The following APBB1IP variants were observed in gnomAD, a reference collection of about 807,000 sequenced individuals.
APBB1IP encodes amyloid beta A4 precursor protein-binding family B member 1-interacting protein.
Under a neutral mutation model 64.9 loss-of-function variants are expected in APBB1IP, and 27 were observed. The observed-to-expected ratio is 0.42, with a 90% CI of 0.31 to 0.57. The LOEUF (loss-of-function observed/expected upper bound fraction) is 0.57, where lower values mean the gene tolerates loss of function less well. Ranked by LOEUF, APBB1IP falls within the 20% of genes least tolerant of loss-of-function variation. The pLI, the probability that APBB1IP is intolerant of heterozygous loss-of-function variation, is 0.20. For missense variants in APBB1IP, 812 were observed against 845.5 expected, an observed-to-expected ratio of 0.96 and a Z score of 0.49; for synonymous variants, 392 against 331.0, an observed-to-expected ratio of 1.18 and a Z score of -2.00.
In APBB1IP at chr10:26,567,530, AC is replaced by A; in HGVS notation, c.*46del. 1.3e-6 allele frequency: 2 copies of A among 1,521,884 alleles called. No individual in the cohort carries two copies. The highest frequency in any genetic ancestry group is 1.8e-6 in the Non-Finnish European group (2 of 1,119,818). 94.3% of individuals were successfully genotyped at this position (1,521,884 alleles called of 1,614,324 possible). A position where few individuals can be genotyped will look rare whatever the true frequency, so the allele number is the denominator to read the frequency against. On this transcript the variant is annotated 3_prime_UTR_variant, in exon 15 of 15. Coordinates refer to ENST00000376236, the MANE Select transcript of APBB1IP (RefSeq NM_019043.4). The stretch of plus-strand genomic sequence containing the variant: ...TGTTCCAGAGGGAGAAGCATCGCTG[AC>A]CCCGAGCGCAGGTTTTGCTAGCAGA...
chr10:26,539,501 A>G (rs1236734911), intron 10 of APBB1IP, among the ~76,000 whole-genome samples: 1 of 151,936 alleles, frequency 6.6e-6, no homozygotes, highest in African/African-American at 2.4e-5. Flanking sequence ...GGAAGGAAGG[A>G]AGAAAGGGAG....
intron 2 of APBB1IP, among the ~76,000 whole-genome samples, chr10:26,457,720 G>A (rs536811791): frequency 6.6e-6 from 1 of 152,308 alleles, no homozygotes; most frequent in East Asian, 1.9e-4. Flanking sequence ...TCTATGCAAT[G>A]GGAAGTATAA....
chr10:26,500,513 G>A (rs933214071), intron 4 of APBB1IP, among the ~76,000 whole-genome samples: 4 of 151,978 alleles, frequency 2.6e-5, no homozygotes, highest in Admixed American at 1.3e-4. Context: ...GCATCTATTC[G>A]TGTGCTTGGA....
At chr10:26,448,656 T>A (rs1384555641) in intron 2 of APBB1IP, among the ~76,000 whole-genome samples, 2 of 152,232 alleles carry the variant, frequency 1.3e-5, no homozygotes, top group African/African-American at 4.8e-5. Flanking sequence ...TGATTTTAAT[T>A]CATCTTTAAA....
chr10:26,496,433 A>C, intron 4 of APBB1IP, 42 bp downstream of exon 4: 1 of 1,442,342 alleles, frequency 6.9e-7, no homozygotes, highest in Non-Finnish European at 9.7e-7. Flanking sequence ...TCAAAATCAT[A>C]ATGATGATTC....
intron 3 of APBB1IP, among the ~76,000 whole-genome samples, chr10:26,495,931 A>G (rs1298330921): frequency 7.0e-6 from 1 of 142,650 alleles, no homozygotes; most frequent in Non-Finnish European, 1.5e-5. Flanking sequence ...TATAATATAT[A>G]TTTAATATAT....
At chr10:26,438,915 C>T (rs1835309438) in intron 2 of APBB1IP, 62 bp downstream of exon 2, 1 of 152,176 alleles carries the variant, frequency 6.6e-6, no homozygotes, top group Admixed American at 6.5e-5. Flanking sequence ...TCGGGGCTGT[C>T]AGGAACCCGT....
At chr10:26,459,175 T>C (rs1179281807) in intron 2 of APBB1IP, among the ~76,000 whole-genome samples, 1 of 146,560 alleles carries the variant, frequency 6.8e-6, no homozygotes, top group African/African-American at 2.5e-5. Context: ...CACCTATGAG[T>C]GAGAACATGC....
chr10:26,530,983 T>C (rs906615992), intron 8 of APBB1IP, among the ~76,000 whole-genome samples: 1 of 152,154 alleles, frequency 6.6e-6, no homozygotes, highest in African/African-American at 2.4e-5. Context: ...TAACATCCTT[T>C]CAAATAACAA....
chr10:26,464,809 T>C (rs1171130083), intron 2 of APBB1IP, among the ~76,000 whole-genome samples: 8 of 152,238 alleles, frequency 5.3e-5, no homozygotes, highest in Non-Finnish European at 8.8e-5. Flanking sequence ...GTAGTTAGCA[T>C]TGAACCTGAG....
At chr10:26,485,189 TAGTG>T (rs1835877447) in intron 2 of APBB1IP, among the ~76,000 whole-genome samples, 2 of 152,242 alleles carry the variant, frequency 1.3e-5, no homozygotes, top group South Asian at 4.1e-4. Flanking sequence ...AACAGTGTTA[TAGTG>T]AATGAGGTTC....
intron 12 of APBB1IP, 147 bp downstream of exon 12, chr10:26,560,350 C>T: frequency 1.4e-6 from 1 of 704,130 alleles, no homozygotes; most frequent in Non-Finnish European, 2.4e-6. Flanking sequence ...AGTGGGTTTT[C>T]TAAATGGGAG....
intron 10 of APBB1IP, among the ~76,000 whole-genome samples, chr10:26,536,714 A>AC (rs1312374715): frequency 2.5e-5 from 1 of 40,548 alleles, no homozygotes; most frequent in Non-Finnish European, 4.5e-5. Flanking sequence ...ACCTCAGCCC[A>AC]CCCCCCACCC....
intron 2 of APBB1IP, among the ~76,000 whole-genome samples, chr10:26,473,315 A>T (rs1057463510): frequency 1.8e-4 from 28 of 152,226 alleles, no homozygotes; most frequent in African/African-American, 6.8e-4. Flanking sequence ...ATCTTTCATG[A>T]TGGATAAATC....
intron 2 of APBB1IP, among the ~76,000 whole-genome samples, chr10:26,451,518 C>T (rs192838482): frequency 6.6e-6 from 1 of 152,214 alleles, no homozygotes; most frequent in African/African-American, 2.4e-5. Flanking sequence ...GTAAATGATG[C>T]GTTCTGCTTT....
intron 14 of APBB1IP, among the ~76,000 whole-genome samples, chr10:26,566,466 G>A (rs898970157): frequency 1.3e-5 from 2 of 152,120 alleles, no homozygotes; most frequent in African/African-American, 4.8e-5. Context: ...TATTGTTCAG[G>A]TTGGTCTTGA....
chr10:26,507,554 A>G (rs1836198068), intron 6 of APBB1IP, among the ~76,000 whole-genome samples: 1 of 152,194 alleles, frequency 6.6e-6, no homozygotes, highest in Admixed American at 6.5e-5. Flanking sequence ...TTGTAGGGGC[A>G]AGGTATGAGA....
chr10:26,444,231 G>C lies in APBB1IP; in HGVS notation c.-1+5378G>C, dbSNP rs35969924. 3.7e-3 allele frequency among the ~76,000 whole-genome samples: 562 copies of C among 152,256 alleles called. 2 individuals carry two copies. The highest frequency in any genetic ancestry group is 0.013 in the African/African-American group (541 of 41,546). On this transcript the variant is annotated intron_variant, in intron 2 of 14. Transcript: ENST00000376236. ...CCTGTAGTTAGAGGTAAATGAGCAAGGGAGAGAGAAACAGATGTGGTTGGA... is the reference window on the plus strand; with the variant it reads ...CCTGTAGTTAGAGGTAAATGAGCAACGGAGAGAGAAACAGATGTGGTTGGA...
intron 2 of APBB1IP, among the ~76,000 whole-genome samples, chr10:26,476,442 G>C (rs1357727567): frequency 2.9e-5 from 1 of 34,486 alleles, no homozygotes; most frequent in Non-Finnish European, 4.4e-5. Flanking sequence ...GCAAGACCCT[G>C]TCTCAAAAAA....
Sources: gnomAD v4.1 joint callset for allele counts (sites outside exome capture counted in the v4.1 genomes callset) on GRCh38, gnomAD v4.1.1 for gene constraint, MANE v1.5 for transcripts, NCBI Gene and HGNC (gene_info 2026-07-23, HGNC 2026-07-21) for gene names.